The following RETREG2 variants were observed in gnomAD, a reference collection of about 807,000 sequenced individuals.
RETREG2 encodes reticulophagy regulator family member 2.
Under a neutral mutation model 51.6 loss-of-function variants are expected in RETREG2, and 21 were observed. The ratio of observed to expected loss-of-function variants is 0.41; its 90% CI spans 0.29 to 0.59. RETREG2 has a LOEUF of 0.59. Among genes scored for constraint, RETREG2 ranks in the 20% least tolerant of loss-of-function variants. The pLI is 0.34. For synonymous variants in RETREG2, 339 were observed against 288.6 expected, an observed-to-expected ratio of 1.17 and a Z score of -1.77; for missense variants, 674 against 646.0, an observed-to-expected ratio of 1.04 and a Z score of -0.47.
rs544593214 is a variant in RETREG2 at position 219,183,230 on chromosome 2, T to G, written c.*601T>G. Reference sequence around the variant, plus strand: ...GTGGGTCAGGCCAGTAGTTACACTCTTAGGTCACTGTAGTCTGTGTAACCT... The same window carrying G: ...GTGGGTCAGGCCAGTAGTTACACTCGTAGGTCACTGTAGTCTGTGTAACCT... On this transcript the variant is annotated 3_prime_UTR_variant, in exon 9 of 9. Transcript: ENST00000430297. 6.3e-6 allele frequency: 1 copy of G among 157,668 alleles called. No homozygotes were observed. Among genetic ancestry groups the G allele is most frequent in the Non-Finnish European group, 1.4e-5 (1 of 70,740 alleles). The allele number at this position is 157,668 out of a possible 1,614,324, so 9.8% of individuals were successfully genotyped here. A position where few individuals can be genotyped will look rare whatever the true frequency, so the allele number is the denominator to read the frequency against.
chr2:219,179,824 G>C, intron 3 of RETREG2, 61 bp downstream of exon 3: 1 of 1,536,234 alleles, frequency 6.5e-7, no homozygotes, highest in East Asian at 2.2e-5. Flanking sequence ...GCTGGTGCCA[G>C]TGTCACCATG....
At chr2:219,179,078 C>T (rs187189509) in intron 2 of RETREG2, 50 bp downstream of exon 2, 5 of 1,365,834 alleles carry the variant, frequency 3.7e-6, no homozygotes, top group Non-Finnish European at 5.2e-6. Context: ...TGCTTGGTGC[C>T]TGATTCCGCT....
chr2:219,181,341 C>T lies in RETREG2; in HGVS notation c.785-28C>T, dbSNP rs199745196. Reference sequence around the variant, plus strand: ...TCCCCTCCCATCATTCATGCTTGGTCATTGCTCTACTACTCTTGCTTTTCT... The same window carrying T: ...TCCCCTCCCATCATTCATGCTTGGTTATTGCTCTACTACTCTTGCTTTTCT... On this transcript the variant is annotated intron_variant, in intron 6 of 8. Transcript: ENST00000430297. 40 of 1,609,978 alleles carry T rather than the reference C, an allele frequency of 2.5e-5. No individual in the cohort carries two copies. In the African/African-American group the frequency reaches 4.8e-4, roughly 19 times the overall value.
intron 5 of RETREG2, 30 bp downstream of exon 5, chr2:219,180,784 A>G (rs1950267610): frequency 1.2e-6 from 2 of 1,611,496 alleles, no homozygotes; most frequent in Non-Finnish European, 1.7e-6. Context: ...GCCCTATTTA[A>G]AGCCCTCTCC....
intron 3 of RETREG2, 138 bp downstream of exon 3, chr2:219,179,901 G>T: frequency 8.4e-7 from 1 of 1,192,958 alleles, no homozygotes; most frequent in South Asian, 1.2e-5. Context: ...ATGGTCCTAG[G>T]CTCCTGTGTA....
rs1004828023 is a variant in RETREG2 at position 219,178,529 on chromosome 2, G to A, written c.177G>A (p.Arg59=). 3 of 1,427,882 alleles carry A rather than the reference G, an allele frequency of 2.1e-6. No homozygotes were observed. The highest frequency in any genetic ancestry group is 3.0e-5 in the African/African-American group (2 of 66,332). The allele number at this position is 1,427,882 out of a possible 1,614,324, so 88.5% of individuals were successfully genotyped here. ...VGRLATTLWL[R]LRGWEAVLAA... ...GCCTGGCCACGACGCTGTGGCTGCG[G>A]CTCCGCGGCTGGGAGGCGGTGCTGG... The change falls in exon 1 of 9, where the codon CGG becomes CGA. Residue 59 remains arginine, a synonymous_variant. Transcript: ENST00000430297.
chr2:219,178,883 C>T (rs1424958788), intron 1 of RETREG2, 39 bp from the exon 2 acceptor site: 2 of 1,446,500 alleles, frequency 1.4e-6, no homozygotes, highest in Non-Finnish European at 9.6e-7. Context: ...ATGAGCCTGT[C>T]TCACCCACTC....
chr2:219,179,194 C>G (rs887911190), intron 2 of RETREG2, among the ~76,000 whole-genome samples, 166 bp downstream of exon 2: 1 of 152,220 alleles, frequency 6.6e-6, no homozygotes, highest in African/African-American at 2.4e-5. Context: ...TTGCCCCTTT[C>G]CCAAACTAAT....
rs765264013 is a variant in RETREG2 at position 219,182,560 on chromosome 2, A to G, written c.1563A>G (p.Pro521=). ...PETPPKPPDA[P]PLGPDIHSLV... ...CACCGCCAAAACCCCCTGATGCTCC[A>G]CCCCTGGGGCCCGACATCCATTCTC... is the stretch of plus-strand genomic sequence containing the variant. Residue 521 remains proline (P), a synonymous_variant, in exon 9 of 9, where the codon CCA becomes CCG. Coordinates refer to ENST00000430297, the MANE Select transcript of RETREG2 (RefSeq NM_024293.6). 1 of 1,614,028 alleles carries G rather than the reference A, an allele frequency of 6.2e-7. No individual in the cohort carries two copies. Among genetic ancestry groups the G allele is most frequent in the Non-Finnish European group, 8.5e-7 (1 of 1,180,010 alleles).
chr2:219,181,008 G>T, intron 5 of RETREG2, 54 bp from the exon 6 acceptor site: 1 of 1,604,544 alleles, frequency 6.2e-7, no homozygotes. Context: ...AGTTGAATGG[G>T]GGCTCTTAGG....
chr2:219,182,280 G>A lies in RETREG2; in HGVS notation c.1283G>A (p.Gly428Glu). 6.2e-7 allele frequency: 1 copy of A among 1,614,108 alleles called. No individual in the cohort carries two copies. The highest frequency in any genetic ancestry group is 8.5e-7 in the Non-Finnish European group (1 of 1,180,000). ...PPDGVKCSPG[G>E]PVETLSPETV... ...GATGGAGTGAAATGCTCCCCTGGAG[G>A]ACCAGTGGAGACACTGAGCCCCGAG... The change falls in exon 9 of 9, where the codon GGA (glycine) becomes GAA (glutamate). Residue 428 changes from glycine (G) to glutamate (E), a missense_variant. By Grantham distance (98) the Gly-to-Glu change is moderately conservative. Coordinates refer to ENST00000430297, the MANE Select transcript of RETREG2 (RefSeq NM_024293.6).
chr2:219,181,886 A>G, intron 8 of RETREG2, 111 bp downstream of exon 8: 1 of 1,556,126 alleles, frequency 6.4e-7, no homozygotes, highest in Non-Finnish European at 8.7e-7. Context: ...TCAGCTCCTA[A>G]AAGACCTTAA....
Position 219,182,276 on chromosome 2 carries a change from G to A in RETREG2, c.1279G>A (p.Gly427Arg). 6.2e-7 allele frequency: 1 copy of A among 1,614,066 alleles called. No homozygotes were observed. Among genetic ancestry groups the A allele is most frequent in the African/African-American group, 1.3e-5 (1 of 75,002 alleles). ...CCCAGATGGAGTGAAATGCTCCCCT[G>A]GAGGACCAGTGGAGACACTGAGCCC... is the stretch of plus-strand genomic sequence containing the variant. ...SPPDGVKCSP[G>R]GPVETLSPET... The change falls in exon 9 of 9, where the codon GGA becomes AGA. Residue 427 changes from glycine (G) to arginine (R), a missense_variant. Gly to Arg is a moderately radical substitution (Grantham distance 125, BLOSUM62 -2). Transcript: ENST00000430297.
rs1950288176 is a variant in RETREG2, at chr2:219,182,106, A to G, written c.1109A>G (p.Asp370Gly). The change falls in exon 9 of 9, where the codon GAC (aspartate) becomes GGC (glycine). Residue 370 changes from aspartate (D) to glycine (G), a missense_variant. Asp to Gly is a moderately conservative substitution (Grantham distance 94). Transcript: ENST00000430297. ...GAGGGAGAGCTGGCCCCTCCCGAAGACCTACTAGGCCGTCCTCAAGCTCTG... is the reference window on the plus strand; with the variant it reads ...GAGGGAGAGCTGGCCCCTCCCGAAGGCCTACTAGGCCGTCCTCAAGCTCTG... Reference protein sequence around the residue: ...GEEGELAPPEDLLGRPQALSR... With the variant: ...GEEGELAPPEGLLGRPQALSR... 6.2e-7 allele frequency: 1 copy of G among 1,613,952 alleles called. No homozygotes were observed. Among genetic ancestry groups the G allele is most frequent in the Non-Finnish European group, 8.5e-7 (1 of 1,180,008 alleles).
At chr2:219,180,884 A>G (rs1950268933) in intron 5 of RETREG2, 130 bp downstream of exon 5, 6 of 1,338,170 alleles carry the variant, frequency 4.5e-6, no homozygotes, top group Middle Eastern at 1.9e-4. Context: ...ATGCTTTAGT[A>G]TTAGTAACTG....
intron 6 of RETREG2, 31 bp downstream of exon 6, chr2:219,181,236 A>G: frequency 2.5e-6 from 4 of 1,613,262 alleles, no homozygotes; most frequent in Non-Finnish European, 3.4e-6. Context: ...AGGAGGGTGA[A>G]AGAGCGGGAG....
At chr2:219,180,596 C>T in intron 4 of RETREG2, 74 bp from the exon 5 acceptor site, 1 of 1,609,412 alleles carries the variant, frequency 6.2e-7, no homozygotes, top group Non-Finnish European at 8.5e-7. Context: ...ACCAGCTGAG[C>T]AGTAGTTTCT....
rs766442949 is a variant in RETREG2, at chr2:219,179,719, T to C, written c.389-14T>C. The C allele has an allele frequency of 1.9e-6, 3 of 1,613,778 alleles. No individual in the cohort carries two copies. The highest frequency in any genetic ancestry group is 2.5e-6 in the Non-Finnish European group (3 of 1,179,762). On this transcript the variant is annotated splice_polypyrimidine_tract_variant and intron_variant, in intron 2 of 8. Transcript: ENST00000430297. ...CCTACCACTCAATAATTTGCCCCCC[T>C]CCTCTCTCTCTAGCATCATCCCCAG...
In RETREG2 at chr2:219,182,602, A is replaced by T. The variant is rs1480793898; in HGVS notation, c.1605A>T (p.Gln535His). ...PDIHSLVQSD[Q>H]EAQAVAEP Reference sequence around the variant, plus strand: ...TCCATTCTCTGGTACAGTCAGACCAAGAAGCTCAGGCCGTGGCAGAGCCAT... The same window carrying T: ...TCCATTCTCTGGTACAGTCAGACCATGAAGCTCAGGCCGTGGCAGAGCCAT... Residue 535 changes from glutamine (Q) to histidine (H), a missense_variant, in exon 9 of 9, where the codon CAA (glutamine) becomes CAT (histidine). Physicochemically the swap from Gln to His is conservative, Grantham distance 24. Transcript: ENST00000430297. The T allele has an allele frequency of 5.0e-6, 8 of 1,614,170 alleles. No individual in the cohort carries two copies. The Admixed American group carries it at 6.7e-5, about 13-fold the overall frequency.
Sources: gnomAD v4.1 joint callset for allele counts (sites outside exome capture counted in the v4.1 genomes callset) on GRCh38, gnomAD v4.1.1 for gene constraint, MANE v1.5 for transcripts, NCBI Gene and HGNC (gene_info 2026-07-23, HGNC 2026-07-21) for gene names.